Variants in RAB44 observed in about 807,000 individuals in gnomAD.
The protein encoded by RAB44 is ras-related protein Rab-44.
A neutral mutation model predicts 93.3 loss-of-function variants in RAB44; 67 were observed. The ratio of observed to expected loss-of-function variants is 0.72; its 90% CI spans 0.59 to 0.88. The LOEUF is 0.88. RAB44 is among the 40% of genes least tolerant of loss of function. The pLI is 0.00. For synonymous variants in RAB44, 427 were observed against 520.3 expected (o/e 0.82, Z 2.44); for missense variants, 1,064 against 1,261.7 (o/e 0.84, Z 2.37).
chr6:36,710,869 T>C (rs372096600), intron 2 of RAB44, among the ~76,000 whole-genome samples: 1 of 152,112 alleles, frequency 6.6e-6, no homozygotes, highest in East Asian at 1.9e-4. Flanking sequence ...GGTGATCCAC[T>C]TGCCTTGGTC....
intron 3 of RAB44, among the ~76,000 whole-genome samples, chr6:36,714,375 A>G (rs1308883401): frequency 6.6e-6 from 1 of 152,192 alleles, no homozygotes; most frequent in African/African-American, 2.4e-5. Flanking sequence ...TAGGGAGCCC[A>G]TGGCCAGCAG....
intron 2 of RAB44, among the ~76,000 whole-genome samples, chr6:36,708,586 A>G (rs1426096281): frequency 6.6e-6 from 1 of 152,228 alleles, no homozygotes; most frequent in African/African-American, 2.4e-5. Flanking sequence ...TCGAAGTAAT[A>G]ATAAAATAAA....
chr6:36,732,202 A>G lies in RAB44; in HGVS notation c.*109A>G. 1.6e-6 allele frequency: 1 copy of G among 638,138 alleles called. No individual in the cohort carries two copies. The highest frequency in any genetic ancestry group is 2.2e-6 in the Non-Finnish European group (1 of 445,214). 39.5% of individuals were successfully genotyped at this position (638,138 alleles called of 1,614,324 possible). A position where few individuals can be genotyped will look rare whatever the true frequency, so the allele number is the denominator to read the frequency against. ...ACACAGAGGACCAGCTTGGAGGTTCAGGAAAACCCTTCTCAACTCAGGACT... is the reference window on the plus strand; with the variant it reads ...ACACAGAGGACCAGCTTGGAGGTTCGGGAAAACCCTTCTCAACTCAGGACT... On this transcript the variant is annotated 3_prime_UTR_variant, in exon 14 of 14. Coordinates refer to ENST00000612677, the MANE Select transcript of RAB44 (RefSeq NM_001257357.2).
chr6:36,727,628 C>T lies in RAB44; in HGVS notation c.2733C>T (p.Leu911=). 2.6e-6 allele frequency: 4 copies of T among 1,550,620 alleles called. No homozygotes were observed. The highest frequency in any genetic ancestry group is 2.4e-5 in the East Asian group (1 of 40,928). Residue 911 remains leucine, a synonymous_variant, in exon 11 of 14, where the codon CTC becomes CTT. Transcript: ENST00000612677. Reference sequence around the variant, plus strand: ...TCCGCAAGGCTGACGGGGTGGTGCTCATGTACGACATCACCTCCCAGGAGA... The same window carrying T: ...TCCGCAAGGCTGACGGGGTGGTGCTTATGTACGACATCACCTCCCAGGAGA... The part of the protein sequence containing the change: ...QLLRKADGVV[L]MYDITSQESF...
rs137885250 is a variant in RAB44 at position 36,723,182 on chromosome 6, A to T, written c.2599+449A>T. On this transcript the variant is annotated intron_variant, in intron 9 of 13. Transcript: ENST00000612677. Reference sequence around the variant, plus strand: ...CAGAATGTATTTGTAGAGTGTGGTAAATTAGGAAGCCAGGTGCCTGAGTTC... The same window carrying T: ...CAGAATGTATTTGTAGAGTGTGGTATATTAGGAAGCCAGGTGCCTGAGTTC... Among the ~76,000 whole-genome samples the T allele has an allele frequency of 2.8e-3, 424 of 152,348 alleles. 2 individuals carry two copies. Among genetic ancestry groups the T allele is most frequent in the Non-Finnish European group, 4.1e-3 (277 of 68,040 alleles).
Position 36,704,352 on chromosome 6 carries a change from T to C in RAB44, c.117T>C (p.Ser39=). 1.3e-6 allele frequency: 2 copies of C among 1,536,138 alleles called. No individual in the cohort carries two copies. Among genetic ancestry groups the C allele is most frequent in the Non-Finnish European group, 1.7e-6 (2 of 1,146,906 alleles). Residue 39 remains serine, a synonymous_variant, in exon 2 of 14, where the codon TCT becomes TCC. Transcript: ENST00000612677. ...EGAAVAPEPE[S]WSSQAAAELQ... ...CTGCAGTGGCCCCAGAGCCAGAGTC[T>C]TGGTCCTCTCAGGCAGCGGCAGAAC...
At position 36,732,524 on chromosome 6, in the gene RAB44, G is replaced by A; in HGVS notation, c.*431G>A. 1 of 152,322 alleles carries A rather than the reference G, an allele frequency of 6.6e-6. No homozygotes were observed. Among genetic ancestry groups the A allele is most frequent in the Admixed American group, 6.5e-5 (1 of 15,286 alleles). 9.4% of individuals were successfully genotyped at this position (152,322 alleles called of 1,614,324 possible). A position where few individuals can be genotyped will look rare whatever the true frequency, so the allele number is the denominator to read the frequency against. On this transcript the variant is annotated 3_prime_UTR_variant, in exon 14 of 14. Transcript: ENST00000612677. ...AGAAAAAAGAGATGTGGAGGAGGAG[G>A]AGAGAAACTTCCCAAGGAGCTCCCT... is the stretch of plus-strand genomic sequence containing the variant.
Position 36,718,272 on chromosome 6 carries a change from G to A in RAB44, c.732+154G>A, listed in dbSNP as rs569011658. ...AGCAGCTGGTGTTCCCCAGAGAGAC[G>A]AGGTGGGGAGTGTCGAGCCTGGGCC... is the stretch of plus-strand genomic sequence containing the variant. On this transcript the variant is annotated intron_variant, in intron 6 of 13. Transcript: ENST00000612677. Among the ~76,000 whole-genome samples, 6 of 152,338 alleles carry A rather than the reference G, an allele frequency of 3.9e-5. No homozygotes were observed. In the East Asian group the frequency reaches 5.8e-4, roughly 15 times the overall value.
chr6:36,728,828 C>G (rs561643793), intron 12 of RAB44, 27 bp downstream of exon 12: 44 of 1,520,742 alleles, frequency 2.9e-5, no homozygotes, highest in Non-Finnish European at 3.8e-5. Flanking sequence ...CAGCCCGTCT[C>G]TGTGCGTGGA....
In RAB44 at chr6:36,730,741, C is replaced by A. The variant is rs1041265397; in HGVS notation, c.2967C>A (p.Asn989Lys). The A allele has an allele frequency of 5.7e-6, 7 of 1,233,572 alleles. No individual in the cohort carries two copies. In the Admixed American group the frequency reaches 1.7e-4, roughly 30 times the overall value. 76.4% of individuals were successfully genotyped at this position (1,233,572 alleles called of 1,614,324 possible). The change falls in exon 13 of 14, where the codon AAC (asparagine) becomes AAA (lysine). Residue 989 changes from asparagine to lysine, a missense_variant. Transcript: ENST00000612677. ...ACAACATCCTGGAGCCTGTAGTAAA[C>A]CTGGCCAGGTAAGTGCTGCCCGCCC... is the stretch of plus-strand genomic sequence containing the variant. ...LGHNILEPVV[N>K]LARSLRMQEE...
Position 36,722,713 on chromosome 6 carries a change from C to G in RAB44, c.2579C>G (p.Thr860Ser). ...LHLLHQNSFATGLTATVGVDF... is the reference protein window; with the variant it reads ...LHLLHQNSFASGLTATVGVDF... ...CTGCTGCACCAGAATTCTTTCGCCA[C>G]CGGATTGACAGCTACCGTGGGTAAG... The change falls in exon 9 of 14, where the codon ACC becomes AGC. Residue 860 changes from threonine (T) to serine (S), a missense_variant. Thr to Ser is a moderately conservative substitution (Grantham distance 58). Transcript: ENST00000612677. 6.4e-7 allele frequency: 1 copy of G among 1,550,628 alleles called. No homozygotes were observed. The highest frequency in any genetic ancestry group is 8.7e-7 in the Non-Finnish European group (1 of 1,147,000).
chr6:36,717,140 T>C lies in RAB44; in HGVS notation c.495-133T>C, dbSNP rs1289884650. 2.2e-5 allele frequency: 17 copies of C among 786,224 alleles called. No individual in the cohort carries two copies. The highest frequency in any genetic ancestry group is 2.8e-5 in the Non-Finnish European group (16 of 581,774). The allele number at this position is 786,224 out of a possible 1,614,324, so 48.7% of individuals were successfully genotyped here. ...GGCGTTTTAGTTGCATCTTGTAGGG[T>C]GTCAATAGATTTGGCCCAGGTGCCA... On this transcript the variant is annotated intron_variant, in intron 4 of 13. Transcript: ENST00000612677. The surrounding 1 kb of genome is among the most constrained non-coding windows in gnomAD (Gnocchi z 4.1).
intron 8 of RAB44, 115 bp from the exon 9 acceptor site, chr6:36,721,036 C>T (rs2150336841): frequency 1.0e-6 from 1 of 990,222 alleles, no homozygotes. Flanking sequence ...TGAGCAAGGA[C>T]TGGGAGGAGA....
At chr6:36,728,360 T>C (rs1279711329) in intron 11 of RAB44, among the ~76,000 whole-genome samples, 1 of 152,162 alleles carries the variant, frequency 6.6e-6, no homozygotes, top group Non-Finnish European at 1.5e-5. Flanking sequence ...TAGCAATCAC[T>C]CACTAATCAG....
chr6:36,722,585 G>C lies in RAB44; in HGVS notation c.2451G>C (p.Pro817=), dbSNP rs920670903. ...GGGAAGCTGGGCTGACCCCATCCCC[G>C]GGAGACCCCATGGCTGGAGGGGGAC... ...DSREAGLTPS[P]GDPMAGGGPQ... The change falls in exon 9 of 14, where the codon CCG becomes CCC. Residue 817 remains proline (P), a synonymous_variant. Coordinates refer to ENST00000612677, the MANE Select transcript of RAB44 (RefSeq NM_001257357.2). 9 of 1,550,252 alleles carry C rather than the reference G, an allele frequency of 5.8e-6. No homozygotes were observed. The highest frequency in any genetic ancestry group is 1.4e-5 in the African/African-American group (1 of 73,056).
chr6:36,726,261 C>A (rs1038843369), intron 10 of RAB44, among the ~76,000 whole-genome samples: 3 of 151,808 alleles, frequency 2.0e-5, no homozygotes, highest in African/African-American at 7.3e-5. Context: ...TTTTTTTCTT[C>A]TTGAGATGGA....
chr6:36,728,775 G>T lies in RAB44; in HGVS notation c.2872G>T (p.Val958Leu), dbSNP rs774950927. 6.4e-7 allele frequency: 1 copy of T among 1,550,568 alleles called. No homozygotes were observed. Among genetic ancestry groups the T allele is most frequent in the South Asian group, 1.2e-5 (1 of 84,054 alleles). The change falls in exon 12 of 14, where the codon GTG becomes TTG. Residue 958 changes from valine to leucine, a missense_variant. Coordinates refer to ENST00000612677, the MANE Select transcript of RAB44 (RefSeq NM_001257357.2). ...CTGTGAGGAGGAACGGCAAGTGTCC[G>T]TGGAAGCTGGGCAGCAACTGGCCCA... is the stretch of plus-strand genomic sequence containing the variant. ...MDCEEERQVS[V>L]EAGQQLAQEL... is the part of the protein sequence containing the mutation.
chr6:36,701,790 T>G (rs1222571807), intron 1 of RAB44, among the ~76,000 whole-genome samples: 2 of 152,002 alleles, frequency 1.3e-5, no homozygotes, highest in African/African-American at 4.8e-5. Context: ...GGGACTCTGC[T>G]GGGGTGTACA....
At position 36,717,628 on chromosome 6, in the gene RAB44, G is replaced by C. The variant is rs1757338942; in HGVS notation, c.641+209G>C. On this transcript the variant is annotated intron_variant, in intron 5 of 13. Transcript: ENST00000612677. This position sits in a 1 kb window ranked among gnomAD's most constrained non-coding sequence, Gnocchi z 4.1. ...GAGTGGGAAGGGCAGGGTGTGTCTT[G>C]GTACAGGACCCACTGTGACGCCCAA... Among the ~76,000 whole-genome samples, 1 of 151,866 alleles carries C rather than the reference G, an allele frequency of 6.6e-6. No homozygotes were observed. The highest frequency in any genetic ancestry group is 2.1e-4 in the South Asian group (1 of 4,816).
Sources: allele counts gnomAD v4.1 joint callset (sites outside exome capture counted in the v4.1 genomes callset), GRCh38; gene constraint gnomAD v4.1.1; non-coding constraint Gnocchi (gnomAD v3.1); transcripts MANE v1.5; gene names NCBI Gene and HGNC (gene_info 2026-07-23, HGNC 2026-07-21).